Variants in PTGS1 observed in about 807,000 individuals in gnomAD.
PTGS1 encodes the protein prostaglandin-endoperoxide synthase 1, also known as prostaglandin G/H synthase 1.
PTGS1 carries 40 observed loss-of-function variants against 63.0 expected under a neutral mutation model. The observed-to-expected ratio is 0.63, with a 90% CI of 0.49 to 0.83. The LOEUF is 0.83. PTGS1 is among the 40% of genes least tolerant of loss of function. PTGS1 has a pLI of 0.00. For missense variants in PTGS1, 709 were observed against 786.5 expected (o/e 0.90, Z 1.18); for synonymous variants, 298 against 301.9 (o/e 0.99, Z 0.13).
chr9:122,375,220 G>A (rs1837050725), intron 2 of PTGS1: 1 of 874,398 alleles, frequency 1.1e-6, no homozygotes, highest in South Asian at 5.2e-5. Context: ...AGGCGGGAGG[G>A]GGGAAGCTGG....
intron 2 of PTGS1, chr9:122,371,598 C>A: frequency 5.6e-6 from 8 of 1,430,610 alleles, no homozygotes; most frequent in Non-Finnish European, 6.4e-6. Context: ...CCAACAACCC[C>A]GCTGTTTCCT....
At chr9:122,374,201 C>T (rs764384709) in intron 2 of PTGS1, among the ~76,000 whole-genome samples, 6 of 152,106 alleles carry the variant, frequency 3.9e-5, no homozygotes, top group African/African-American at 9.7e-5. Flanking sequence ...TCTCTGCCTC[C>T]GCGTGTCTTG....
intron 10 of PTGS1, among the ~76,000 whole-genome samples, chr9:122,390,826 G>A (rs1418806187): frequency 6.6e-6 from 1 of 152,130 alleles, no homozygotes; most frequent in East Asian, 1.9e-4. Context: ...GAACCTGGGA[G>A]GCAGAGCTTG....
intron 2 of PTGS1, among the ~76,000 whole-genome samples, chr9:122,377,369 G>A (rs894263938): frequency 6.6e-5 from 10 of 152,068 alleles, no homozygotes; most frequent in Admixed American, 1.3e-4. Flanking sequence ...TCTACCTTCT[G>A]CAGAAATGGA....
intron 2 of PTGS1, among the ~76,000 whole-genome samples, chr9:122,373,513 G>C (rs897686797): frequency 6.6e-6 from 1 of 152,132 alleles, no homozygotes; most frequent in African/African-American, 2.4e-5. Context: ...AGGCTGTGCC[G>C]GGGGCGCCCT....
intron 8 of PTGS1, among the ~76,000 whole-genome samples, chr9:122,385,753 A>G (rs1837833837): frequency 6.6e-6 from 1 of 152,008 alleles, no homozygotes; most frequent in African/African-American, 2.4e-5. Context: ...TCTCACCAGT[A>G]AATCCTCCAC....
Position 122,381,646 on chromosome 9 carries a change from A to G in PTGS1, c.679-18A>G. On this transcript the variant is annotated intron_variant, in intron 6 of 10. Coordinates refer to ENST00000362012, the MANE Select transcript of PTGS1 (RefSeq NM_000962.4). ...GCCGGCACCCTGGTGACCTGAGGGA[A>G]CCCCTCTCTGTCCACAGGTAGACCT... 1 of 1,613,496 alleles carries G rather than the reference A, an allele frequency of 6.2e-7. No individual in the cohort carries two copies. Among genetic ancestry groups the G allele is most frequent in the Non-Finnish European group, 8.5e-7 (1 of 1,179,526 alleles).
chr9:122,383,807 G>T (rs934671558), intron 8 of PTGS1, 52 bp downstream of exon 8: 2 of 1,579,460 alleles, frequency 1.3e-6, no homozygotes, highest in East Asian at 4.5e-5. Flanking sequence ...TCCATCCTGA[G>T]AAGTTGGGGG....
chr9:122,384,370 C>A (rs1421114474), intron 8 of PTGS1, among the ~76,000 whole-genome samples: 2 of 152,198 alleles, frequency 1.3e-5, no homozygotes, highest in African/African-American at 4.8e-5. Context: ...TCCCTTCCCC[C>A]ACCTCTGGCA....
At chr9:122,382,125 A>G (rs1208678985) in intron 7 of PTGS1, among the ~76,000 whole-genome samples, 1 of 152,216 alleles carries the variant, frequency 6.6e-6, no homozygotes, top group Non-Finnish European at 1.5e-5. Flanking sequence ...GGCAAACTCT[A>G]GGATGTTCAT....
chr9:122,391,388 TATATATATAC>T (rs1564147448), intron 10 of PTGS1, among the ~76,000 whole-genome samples: 4 of 90,216 alleles, frequency 4.4e-5, no homozygotes, highest in Non-Finnish European at 7.3e-5. Context: ...TATATATACA[TATATATATAC>T]ATATATATAT....
At chr9:122,390,164 C>A in intron 9 of PTGS1, 34 bp from the exon 10 acceptor site, 1 of 1,603,316 alleles carries the variant, frequency 6.2e-7, no homozygotes, top group South Asian at 1.1e-5. Flanking sequence ...CCTGGCCTGG[C>A]TCCCAGACCA....
At position 122,383,710 on chromosome 9, in the gene PTGS1, T is replaced by G; in HGVS notation, c.964T>G (p.Trp322Gly). 1.9e-6 allele frequency: 3 copies of G among 1,613,778 alleles called. No homozygotes were observed. Among genetic ancestry groups the G allele is most frequent in the Non-Finnish European group, 2.5e-6 (3 of 1,180,006 alleles). The stretch of plus-strand genomic sequence containing the variant: ...CCTGCTGAAGGCTGAGCACCCCACC[T>G]GGGGCGATGAGCAGCTTTTCCAGAC... Reference protein sequence around the residue: ...CDLLKAEHPTWGDEQLFQTTR... With the variant: ...CDLLKAEHPTGGDEQLFQTTR... Residue 322 changes from tryptophan (W) to glycine (G), a missense_variant, in exon 8 of 11, where the codon TGG (tryptophan) becomes GGG (glycine). Physicochemically the swap from Trp to Gly is radical, Grantham distance 184. Coordinates refer to ENST00000362012, the MANE Select transcript of PTGS1 (RefSeq NM_000962.4).
chr9:122,373,102 C>T (rs917930815), intron 2 of PTGS1, among the ~76,000 whole-genome samples: 3 of 152,082 alleles, frequency 2.0e-5, no homozygotes, highest in Admixed American at 6.6e-5. Flanking sequence ...GACTGGACCT[C>T]GAAGGAGGTG....
chr9:122,378,373 C>G, intron 3 of PTGS1, 60 bp from the exon 4 acceptor site: 1 of 1,605,492 alleles, frequency 6.2e-7, no homozygotes, highest in East Asian at 2.2e-5. Flanking sequence ...CATCTTCCAC[C>G]CTGGCTACTT....
chr9:122,385,588 T>G (rs1837821391), intron 8 of PTGS1, among the ~76,000 whole-genome samples: 1 of 152,042 alleles, frequency 6.6e-6, no homozygotes, highest in African/African-American at 2.4e-5. Context: ...ATAAGAATCC[T>G]GTTATATAAG....
At chr9:122,388,454 C>G (rs1838012258) in intron 9 of PTGS1, among the ~76,000 whole-genome samples, 3 of 152,194 alleles carry the variant, frequency 2.0e-5, no homozygotes. Context: ...CATAGTTTAT[C>G]CCATTTAAAT....
At chr9:122,384,207 A>G (rs1837726175) in intron 8 of PTGS1, among the ~76,000 whole-genome samples, 1 of 152,102 alleles carries the variant, frequency 6.6e-6, no homozygotes, top group East Asian at 1.9e-4. Context: ...ACCTTCCTGC[A>G]GTTTGGTAGC....
chr9:122,386,358 G>A (rs1837873105), intron 8 of PTGS1, 88 bp from the exon 9 acceptor site: 13 of 1,388,814 alleles, frequency 9.4e-6, no homozygotes, highest in Middle Eastern at 3.8e-4. Flanking sequence ...CCAAAAGCAA[G>A]CACCTCTCAT....
Sources: allele counts gnomAD v4.1 joint callset (sites outside exome capture counted in the v4.1 genomes callset), GRCh38; gene constraint gnomAD v4.1.1; transcripts MANE v1.5; gene names NCBI Gene and HGNC (gene_info 2026-07-23, HGNC 2026-07-21).